The following RALGAPA1 variants were observed in gnomAD, a reference collection of about 807,000 sequenced individuals.
RALGAPA1 encodes Ral GTPase activating protein catalytic subunit alpha 1, also known as ral GTPase-activating protein subunit alpha-1.
A neutral mutation model predicts 269.6 loss-of-function variants in RALGAPA1; 52 were observed. The ratio of observed to expected loss-of-function variants is 0.19; its 90% CI spans 0.15 to 0.24. RALGAPA1 has a LOEUF of 0.24. Among genes scored for constraint, RALGAPA1 ranks in the 10% least tolerant of loss-of-function variants. The pLI is 1.00. For missense variants in RALGAPA1, 1,917 were observed against 3,013.9 expected (o/e 0.64, Z 8.52); for synonymous variants, 817 against 1,008.3 (o/e 0.81, Z 3.60).
chr14:35,799,201 A>G (rs964060791), intron 1 of RALGAPA1, among the ~76,000 whole-genome samples: 1 of 152,164 alleles, frequency 6.6e-6, no homozygotes, highest in African/African-American at 2.4e-5. Flanking sequence ...AAATTCTTAC[A>G]AGGTTCTTAT....
intron 35 of RALGAPA1, among the ~76,000 whole-genome samples, chr14:35,622,702 C>A (rs1325712119): frequency 6.6e-6 from 1 of 152,156 alleles, no homozygotes; most frequent in Non-Finnish European, 1.5e-5. Context: ...GACTGTTTTT[C>A]AACATTCAAA....
intron 16 of RALGAPA1, 143 bp from the exon 17 acceptor site, chr14:35,700,445 G>T: frequency 1.9e-6 from 1 of 522,962 alleles, no homozygotes; most frequent in Non-Finnish European, 3.1e-6. Flanking sequence ...TTTCAGCACG[G>T]CAAATACTGG....
Position 35,545,496 on chromosome 14 carries a change from C to G in RALGAPA1, c.*23+3012G>C, listed in dbSNP as rs184317620. On this transcript the variant is annotated intron_variant, in intron 41 of 41. Transcript: ENST00000680220. ...TTATAATATTGCTTTAAATAGGAACCCCTATATTCTCCAAAAGTAATTATA... is the reference window on the plus strand; with the variant it reads ...TTATAATATTGCTTTAAATAGGAACGCCTATATTCTCCAAAAGTAATTATA... Among the ~76,000 whole-genome samples, 18 of 151,042 alleles carry G rather than the reference C, an allele frequency of 1.2e-4. No individual in the cohort carries two copies. The East Asian group carries it at 2.9e-3, about 24-fold the overall frequency.
intron 37 of RALGAPA1, among the ~76,000 whole-genome samples, chr14:35,578,078 C>G (rs1257392936): frequency 2.0e-5 from 3 of 152,102 alleles, no homozygotes; most frequent in Admixed American, 2.0e-4. Context: ...TCATTCATAA[C>G]CAAATATTGA....
intron 16 of RALGAPA1, chr14:35,706,975 T>C (rs919629410): frequency 6.6e-6 from 1 of 152,244 alleles, no homozygotes; most frequent in Non-Finnish European, 1.5e-5. Context: ...TCTATCCATG[T>C]ACATGAACTA....
chr14:35,757,115 T>C (rs1324862153), intron 6 of RALGAPA1, among the ~76,000 whole-genome samples: 3 of 135,858 alleles, frequency 2.2e-5, no homozygotes, highest in African/African-American at 9.2e-5. Flanking sequence ...TTATTATTAT[T>C]ATTATTTTTT....
intron 1 of RALGAPA1, among the ~76,000 whole-genome samples, chr14:35,805,590 G>C (rs576749790): frequency 4.6e-4 from 70 of 151,984 alleles, no homozygotes; most frequent in Admixed American, 3.3e-4. Flanking sequence ...AAAGGTGGGA[G>C]GGTACAACTG....
At chr14:35,752,995 TAAAC>T (rs1389864153) in intron 7 of RALGAPA1, among the ~76,000 whole-genome samples, 5 of 152,136 alleles carry the variant, frequency 3.3e-5, no homozygotes, top group African/African-American at 4.8e-5. Context: ...GATAGATAGA[TAAAC>T]AGACAGACAG....
chr14:35,703,065 T>C (rs1393331709), intron 16 of RALGAPA1, among the ~76,000 whole-genome samples: 1 of 152,250 alleles, frequency 6.6e-6, no homozygotes, highest in Non-Finnish European at 1.5e-5. Context: ...AACTCCTTTT[T>C]TTCTTTCTTT....
chr14:35,701,845 C>T (rs569527708), intron 16 of RALGAPA1, among the ~76,000 whole-genome samples: 4 of 152,060 alleles, frequency 2.6e-5, no homozygotes, highest in South Asian at 4.2e-4. Flanking sequence ...AACAAGGTCT[C>T]GCTATGGTAT....
chr14:35,701,222 T>C (rs1428020224), intron 16 of RALGAPA1, among the ~76,000 whole-genome samples: 1 of 152,220 alleles, frequency 6.6e-6, no homozygotes, highest in Admixed American at 6.5e-5. Context: ...TTTCAAGGAT[T>C]CTTAATTAAG....
chr14:35,706,810 G>T (rs2067851730), intron 16 of RALGAPA1: 1 of 151,742 alleles, frequency 6.6e-6, no homozygotes, highest in Admixed American at 6.6e-5. Context: ...TGTAGAGACA[G>T]GTTTTGCCAT....
At chr14:35,576,822 G>C (rs1169269452) in intron 37 of RALGAPA1, among the ~76,000 whole-genome samples, 3 of 152,114 alleles carry the variant, frequency 2.0e-5, no homozygotes, top group Non-Finnish European at 4.4e-5. Flanking sequence ...ACCAAGGCAG[G>C]CTGGTTCTAG....
At chr14:35,760,371 A>T (rs1424652021) in intron 6 of RALGAPA1, among the ~76,000 whole-genome samples, 1 of 152,200 alleles carries the variant, frequency 6.6e-6, no homozygotes, top group Non-Finnish European at 1.5e-5. Context: ...ACTCACATTC[A>T]GGGTGACTGC....
At chr14:35,542,384 G>T in intron 41 of RALGAPA1, 1 of 157,622 alleles carries the variant, frequency 6.3e-6, no homozygotes, top group Non-Finnish European at 1.4e-5. Flanking sequence ...TCTACATTAT[G>T]GCAAACTCAA....
At chr14:35,542,103 C>G (rs1203015493) in intron 41 of RALGAPA1, 1 of 809,236 alleles carries the variant, frequency 1.2e-6, no homozygotes, top group Non-Finnish European at 1.8e-6. Flanking sequence ...AAATATCTAC[C>G]TTTTAAAGTG....
chr14:35,773,434 T>C (rs2074788000), intron 3 of RALGAPA1, among the ~76,000 whole-genome samples: 1 of 151,984 alleles, frequency 6.6e-6, no homozygotes, highest in Non-Finnish European at 1.5e-5. Flanking sequence ...AATTTAGTGA[T>C]CCATTAAAGA....
intron 3 of RALGAPA1, among the ~76,000 whole-genome samples, chr14:35,773,618 T>C (rs1447394072): frequency 6.6e-6 from 1 of 152,140 alleles, no homozygotes; most frequent in Non-Finnish European, 1.5e-5. Flanking sequence ...CCAAGAATCA[T>C]TAGCTTGCTT....
intron 6 of RALGAPA1, among the ~76,000 whole-genome samples, chr14:35,759,183 T>C (rs1415452438): frequency 6.6e-6 from 1 of 152,226 alleles, no homozygotes; most frequent in Non-Finnish European, 1.5e-5. Flanking sequence ...AACTGGTTCA[T>C]TAATACATTT....
Sources: allele counts gnomAD v4.1 joint callset (sites outside exome capture counted in the v4.1 genomes callset), GRCh38; gene constraint gnomAD v4.1.1; transcripts MANE v1.5; gene names NCBI Gene and HGNC (gene_info 2026-07-23, HGNC 2026-07-21).